PLCL2: variants seen among roughly 807,000 people sequenced by gnomAD.
The protein encoded by PLCL2 is phospholipase C like 2.
A neutral mutation model predicts 79.6 loss-of-function variants in PLCL2; 4 were observed. The observed-to-expected ratio is 0.05, with a 90% confidence interval of 0.02 to 0.11. The LOEUF (loss-of-function observed/expected upper bound fraction) is 0.11. Among genes scored for constraint, PLCL2 ranks in the 10% least tolerant of loss-of-function variants. PLCL2 has a pLI of 1.00. For synonymous variants in PLCL2, 484 were observed against 457.7 expected (o/e 1.06, Z -0.73); for missense variants, 895 against 1,291.0 (o/e 0.69, Z 4.70).
rs570142293 is a variant in PLCL2 at position 16,894,024 on chromosome 3, A to G, written c.327+8658A>G. Reference sequence around the variant, plus strand: ...GATGAAGCCTCTGTTGCTTTTGACCAATTAGTGTGGTCACAGAGGGTTAAG... The same window carrying G: ...GATGAAGCCTCTGTTGCTTTTGACCGATTAGTGTGGTCACAGAGGGTTAAG... On this transcript the variant is annotated intron_variant, in intron 1 of 5. Transcript: ENST00000615277. Among the ~76,000 whole-genome samples, 4 of 152,200 alleles carry G rather than the reference A, an allele frequency of 2.6e-5. No homozygotes were observed. The East Asian group carries it at 7.7e-4, about 29-fold the overall frequency.
intron 1 of PLCL2, among the ~76,000 whole-genome samples, chr3:16,949,249 A>G (rs935127827): frequency 4.0e-5 from 6 of 151,732 alleles, no homozygotes; most frequent in Non-Finnish European, 7.4e-5. Context: ...CTACTTCGAT[A>G]CTGCCAGGTT....
chr3:16,950,097 T>C (rs907596242), intron 1 of PLCL2, among the ~76,000 whole-genome samples: 1 of 152,228 alleles, frequency 6.6e-6, no homozygotes, highest in Non-Finnish European at 1.5e-5. Flanking sequence ...TTTGCTCTTC[T>C]TTTCTAAGAT....
intron 5 of PLCL2, among the ~76,000 whole-genome samples, chr3:17,068,289 G>C (rs201102304): frequency 6.6e-6 from 1 of 152,212 alleles, no homozygotes; most frequent in African/African-American, 2.4e-5. Flanking sequence ...TTGGCACATT[G>C]TAAGTCCTGA....
chr3:17,044,439 T>G (rs531298185), intron 4 of PLCL2, among the ~76,000 whole-genome samples: 2 of 152,350 alleles, frequency 1.3e-5, no homozygotes, highest in South Asian at 4.1e-4. Context: ...ATTCCAGGAT[T>G]TATGTTACCT....
chr3:17,048,979 G>A (rs1412315343), intron 4 of PLCL2, among the ~76,000 whole-genome samples: 1 of 152,012 alleles, frequency 6.6e-6, no homozygotes, highest in East Asian at 1.9e-4. Flanking sequence ...GCAGTTGACT[G>A]CTATTTCAGG....
At chr3:16,936,464 T>C (rs1209203140) in intron 1 of PLCL2, among the ~76,000 whole-genome samples, 1 of 152,164 alleles carries the variant, frequency 6.6e-6, no homozygotes, top group Admixed American at 6.5e-5. Context: ...GCCATGTGTA[T>C]CTGTTTGATA....
intron 1 of PLCL2, among the ~76,000 whole-genome samples, chr3:16,914,407 A>G (rs1696947282): frequency 6.6e-6 from 1 of 152,196 alleles, no homozygotes; most frequent in African/African-American, 2.4e-5. Flanking sequence ...GAAAGTTTTC[A>G]AAAGATGTAT....
intron 3 of PLCL2, among the ~76,000 whole-genome samples, chr3:17,024,701 G>A (rs182678429): frequency 6.6e-6 from 1 of 152,288 alleles, no homozygotes; most frequent in Non-Finnish European, 1.5e-5. Context: ...TCAGATTGAC[G>A]AAAATGAAGA....
At chr3:16,932,702 C>A (rs1697435896) in intron 1 of PLCL2, among the ~76,000 whole-genome samples, 1 of 152,082 alleles carries the variant, frequency 6.6e-6, no homozygotes, top group Non-Finnish European at 1.5e-5. Flanking sequence ...TACAGGAGAT[C>A]CAGAGCATAT....
intron 4 of PLCL2, among the ~76,000 whole-genome samples, chr3:17,046,356 T>C (rs1194692649): frequency 6.6e-6 from 1 of 152,222 alleles, no homozygotes; most frequent in East Asian, 1.9e-4. Flanking sequence ...TTCTAATATC[T>C]ATGTTTTTGT....
At chr3:16,906,064 T>TA (rs879427108) in intron 1 of PLCL2, among the ~76,000 whole-genome samples, 305 of 144,674 alleles carry the variant, frequency 2.1e-3, no homozygotes, top group Middle Eastern at 3.6e-3. Context: ...CCTTCCTCCA[T>TA]AAAAAAAAAA....
chr3:17,043,146 A>G (rs1023278686), intron 4 of PLCL2, among the ~76,000 whole-genome samples, 197 bp downstream of exon 4: 1 of 152,198 alleles, frequency 6.6e-6, no homozygotes, highest in African/African-American at 2.4e-5. Flanking sequence ...TTCAAAATAC[A>G]TTAACATTGG....
At chr3:17,042,564 C>A (rs1267404651) in intron 3 of PLCL2, among the ~76,000 whole-genome samples, 1 of 152,112 alleles carries the variant, frequency 6.6e-6, no homozygotes, top group Admixed American at 6.6e-5. Context: ...CAGATTTGCA[C>A]GCATATTTGT....
At chr3:16,971,952 A>C (rs1412954690) in intron 1 of PLCL2, among the ~76,000 whole-genome samples, 2 of 152,162 alleles carry the variant, frequency 1.3e-5, no homozygotes, top group Admixed American at 6.5e-5. Context: ...CAATAGATGC[A>C]GAAAAGGCCT....
intron 3 of PLCL2, among the ~76,000 whole-genome samples, chr3:17,023,843 C>T (rs1017295817): frequency 6.6e-6 from 1 of 152,182 alleles, no homozygotes; most frequent in Non-Finnish European, 1.5e-5. Context: ...CATCCAAGCT[C>T]TGAAACTTGT....
At chr3:17,054,803 A>G (rs893077858) in intron 4 of PLCL2, among the ~76,000 whole-genome samples, 2 of 152,134 alleles carry the variant, frequency 1.3e-5, no homozygotes, top group African/African-American at 4.8e-5. Flanking sequence ...TTTATGTCAG[A>G]ATGTTTCTCA....
At chr3:17,038,524 C>A (rs1444356188) in intron 3 of PLCL2, among the ~76,000 whole-genome samples, 1 of 152,150 alleles carries the variant, frequency 6.6e-6, no homozygotes, top group Non-Finnish European at 1.5e-5. Context: ...TCCTTTGGCT[C>A]ATGCATCGAT....
intron 4 of PLCL2, among the ~76,000 whole-genome samples, chr3:17,058,928 G>A (rs976016235): frequency 4.6e-5 from 7 of 152,118 alleles, no homozygotes; most frequent in South Asian, 2.1e-4. Context: ...TAAGGATATC[G>A]GGGAAGCTGA....
At chr3:16,956,767 T>C (rs1488551378) in intron 1 of PLCL2, among the ~76,000 whole-genome samples, 1 of 152,226 alleles carries the variant, frequency 6.6e-6, no homozygotes, top group East Asian at 1.9e-4. Context: ...GGAGGGTGTA[T>C]GTGTCCAGGA....
Sources: gnomAD v4.1 joint callset for allele counts (sites outside exome capture counted in the v4.1 genomes callset) on GRCh38, gnomAD v4.1.1 for gene constraint, MANE v1.5 for transcripts, NCBI Gene and HGNC (gene_info 2026-07-23, HGNC 2026-07-21) for gene names.